STAC: variants seen among roughly 807,000 people sequenced by gnomAD.
The protein encoded by STAC is SH3 and cysteine rich domain.
Under a neutral mutation model 48.8 loss-of-function variants are expected in STAC, and 43 were observed. The ratio of observed to expected loss-of-function variants is 0.88; its 90% CI spans 0.69 to 1.14. STAC has a LOEUF of 1.14. Ranked by LOEUF, STAC falls within the 50% of genes most tolerant of loss-of-function variation. The probability of loss-of-function intolerance (pLI) is 0.00; values close to 1 mark genes in which losing one functional copy is unlikely to be tolerated. For missense variants in STAC, 497 were observed against 504.0 expected (o/e 0.99, Z 0.13); for synonymous variants, 193 against 179.5 (o/e 1.07, Z -0.60).
intron 1 of STAC, among the ~76,000 whole-genome samples, chr3:36,435,483 C>T (rs1700811610): frequency 6.6e-6 from 1 of 152,048 alleles, no homozygotes; most frequent in Non-Finnish European, 1.5e-5. Context: ...AGATTTAATA[C>T]ATGCTGGAGT....
At chr3:36,459,206 C>T in intron 2 of STAC, 1 of 151,576 alleles carries the variant, frequency 6.6e-6, no homozygotes. Flanking sequence ...TCTTTTTTTC[C>T]CCACAGATGC....
intron 1 of STAC, among the ~76,000 whole-genome samples, chr3:36,395,520 C>A (rs1699839256): frequency 6.6e-6 from 1 of 152,178 alleles, no homozygotes; most frequent in Non-Finnish European, 1.5e-5. Context: ...GGTCCCTTAT[C>A]TGGCTAGAGA....
chr3:36,501,442 A>T, intron 6 of STAC, among the ~76,000 whole-genome samples: 1 of 149,576 alleles, frequency 6.7e-6, no homozygotes, highest in East Asian at 2.1e-4. Context: ...AAAAGAGATG[A>T]AACAAAAATA....
chr3:36,411,425 G>C (rs1210808441), intron 1 of STAC, among the ~76,000 whole-genome samples: 1 of 152,110 alleles, frequency 6.6e-6, no homozygotes, highest in Non-Finnish European at 1.5e-5. Context: ...CTCCTAGTCT[G>C]CTCCAGTCAT....
chr3:36,539,083 T>G (rs1276942366), intron 10 of STAC, among the ~76,000 whole-genome samples: 1 of 152,216 alleles, frequency 6.6e-6, no homozygotes, highest in Non-Finnish European at 1.5e-5. Flanking sequence ...TCACTTTGAT[T>G]TTTCTGAAGT....
chr3:36,452,781 C>A (rs1356261537), intron 2 of STAC, among the ~76,000 whole-genome samples: 1 of 152,158 alleles, frequency 6.6e-6, no homozygotes, highest in Non-Finnish European at 1.5e-5. Flanking sequence ...AAGTGAGAGA[C>A]TGGGAAGTAG....
chr3:36,514,402 A>C (rs931584696), intron 8 of STAC, among the ~76,000 whole-genome samples: 6 of 150,972 alleles, frequency 4.0e-5, no homozygotes, highest in African/African-American at 1.5e-4. Flanking sequence ...GTCAAATTTC[A>C]TTTCCTTGTT....
At chr3:36,526,864 T>G (rs1366505467) in intron 8 of STAC, among the ~76,000 whole-genome samples, 3 of 152,170 alleles carry the variant, frequency 2.0e-5, no homozygotes, top group Admixed American at 6.5e-5. Context: ...GCAGCTCTAC[T>G]TAGGAGAAAA....
chr3:36,534,914 C>T (rs1017011479), intron 10 of STAC, among the ~76,000 whole-genome samples: 1 of 152,134 alleles, frequency 6.6e-6, no homozygotes, highest in African/African-American at 2.4e-5. Flanking sequence ...GATCCCCAGC[C>T]TCCCAAAGTA....
chr3:36,443,567 C>A lies in STAC; in HGVS notation c.315C>A (p.Gly105=). The A allele has an allele frequency of 6.2e-7, 1 of 1,614,170 alleles. No individual in the cohort carries two copies. Among genetic ancestry groups the A allele is most frequent in the South Asian group, 1.1e-5 (1 of 91,086 alleles). ...CCAGGGCTGGTCTGCATCCAGGTGG[C>A]AAGGCTCATGCCTTTCAGGAATACA... ...TPARAGLHPG[G]KAHAFQEYIF... is the part of the protein sequence containing the mutation. Residue 105 remains glycine (G), a synonymous_variant, in exon 2 of 11, where the codon GGC becomes GGA. Coordinates refer to ENST00000273183, the MANE Select transcript of STAC (RefSeq NM_003149.3). The surrounding 1 kb of genome is among the most constrained non-coding windows in gnomAD (Gnocchi z 4.2).
intron 1 of STAC, among the ~76,000 whole-genome samples, chr3:36,395,073 G>A (rs959306315): frequency 4.0e-5 from 6 of 151,858 alleles, no homozygotes; most frequent in Non-Finnish European, 7.4e-5. Context: ...AAGAAGCCCT[G>A]TGCAAATGTA....
At chr3:36,392,152 G>A (rs1330937293) in intron 1 of STAC, among the ~76,000 whole-genome samples, 1 of 152,118 alleles carries the variant, frequency 6.6e-6, no homozygotes, top group Non-Finnish European at 1.5e-5. Flanking sequence ...AGGCTGCAAG[G>A]CCCCTTCCTC....
intron 1 of STAC, among the ~76,000 whole-genome samples, chr3:36,440,110 T>G (rs928232401): frequency 6.6e-6 from 1 of 152,190 alleles, no homozygotes; most frequent in African/African-American, 2.4e-5. Context: ...GCAGCCCTAG[T>G]GGGGCTTTTC....
At chr3:36,501,921 A>C (rs1698292217) in intron 6 of STAC, among the ~76,000 whole-genome samples, 1 of 152,190 alleles carries the variant, frequency 6.6e-6, no homozygotes, top group South Asian at 2.1e-4. Context: ...GCAAAATCTC[A>C]GTAAGAACCC....
At chr3:36,470,198 T>G (rs76203689) in intron 2 of STAC, among the ~76,000 whole-genome samples, 4,747 of 152,308 alleles carry the variant, frequency 0.031, 222 homozygotes, top group African/African-American at 0.11. Flanking sequence ...GAGTAGACTA[T>G]GTCAGAGGGG....
intron 1 of STAC, among the ~76,000 whole-genome samples, chr3:36,384,856 G>A (rs370350629): frequency 4.6e-5 from 7 of 152,260 alleles, no homozygotes; most frequent in East Asian, 1.9e-4. Context: ...CCATGAAGAC[G>A]TGCCCTGAAT....
intron 2 of STAC, among the ~76,000 whole-genome samples, chr3:36,455,793 A>C (rs1696838539): frequency 6.7e-6 from 1 of 149,722 alleles, no homozygotes; most frequent in African/African-American, 2.5e-5. Flanking sequence ...GTGTGTCTAC[A>C]TTGTGACCCA....
In STAC at chr3:36,443,350, T is replaced by G. The variant is rs928686315; in HGVS notation, c.112-14T>G. 2 of 1,613,998 alleles carry G rather than the reference T, an allele frequency of 1.2e-6. No individual in the cohort carries two copies. Among genetic ancestry groups the G allele is most frequent in the Non-Finnish European group, 1.7e-6 (2 of 1,179,972 alleles). On this transcript the variant is annotated splice_polypyrimidine_tract_variant and intron_variant, in intron 1 of 10. Coordinates refer to ENST00000273183, the MANE Select transcript of STAC (RefSeq NM_003149.3). The surrounding 1 kb of genome is among the most constrained non-coding windows in gnomAD (Gnocchi z 4.2). ...ATTGATCGTAAGAGAGACTGTTCTG[T>G]CATTGCATTGCAGCTCCAGAAACTA...
At chr3:36,534,974 T>C (rs1397773272) in intron 10 of STAC, among the ~76,000 whole-genome samples, 1 of 152,200 alleles carries the variant, frequency 6.6e-6, no homozygotes, top group Non-Finnish European at 1.5e-5. Context: ...ATTTTTAAAT[T>C]TTAAAATGTA....
Sources: gnomAD v4.1 joint callset for allele counts (sites outside exome capture counted in the v4.1 genomes callset) on GRCh38, gnomAD v4.1.1 for gene constraint, Gnocchi (gnomAD v3.1) non-coding constraint, MANE v1.5 for transcripts, NCBI Gene and HGNC (gene_info 2026-07-23, HGNC 2026-07-21) for gene names.